Variants in HEPACAM2 observed in about 807,000 individuals in gnomAD.
The protein encoded by HEPACAM2 is mitotic kinetics regulator.
Under a neutral mutation model 49.6 loss-of-function variants are expected in HEPACAM2, and 49 were observed. The observed-to-expected ratio is 0.99, with a 90% CI of 0.78 to 1.25. The LOEUF is 1.25. HEPACAM2 is among the 50% of genes most tolerant of loss of function. The probability of loss-of-function intolerance (pLI) is 0.00; values close to 1 mark genes in which losing one functional copy is unlikely to be tolerated. For missense variants in HEPACAM2, 525 were observed against 557.2 expected (o/e 0.94, Z 0.58); for synonymous variants, 197 against 202.9 (o/e 0.97, Z 0.25).
chr7:93,195,380 C>A (rs1241156670), intron 8 of HEPACAM2, among the ~76,000 whole-genome samples: 1 of 151,962 alleles, frequency 6.6e-6, no homozygotes, highest in African/African-American at 2.4e-5. Flanking sequence ...GCATGCATAA[C>A]CATGCTTGGC....
chr7:93,223,778 T>A (rs1432363856), intron 1 of HEPACAM2, among the ~76,000 whole-genome samples: 1 of 152,204 alleles, frequency 6.6e-6, no homozygotes, highest in African/African-American at 2.4e-5. Context: ...CAGCAGGGAA[T>A]GAAATTTTCT....
chr7:93,228,770 C>A (rs1324631917), upstream of HEPACAM2, among the ~76,000 whole-genome samples: 3 of 152,050 alleles, frequency 2.0e-5, no homozygotes, highest in Non-Finnish European at 4.4e-5. Context: ...GATTAAACTG[C>A]AAGCAATGTA....
intron 4 of HEPACAM2, 77 bp downstream of exon 4, chr7:93,208,502 AG>A: frequency 8.6e-7 from 1 of 1,158,056 alleles, no homozygotes; most frequent in Non-Finnish European, 1.2e-6. Context: ...TTTTCTACCT[AG>A]GTATAAGATA....
chr7:93,205,053 T>C (rs993445108), intron 4 of HEPACAM2, among the ~76,000 whole-genome samples: 1 of 151,862 alleles, frequency 6.6e-6, no homozygotes, highest in Non-Finnish European at 1.5e-5. Context: ...TGAGCCGAGA[T>C]TGTGCCACTG....
intron 2 of HEPACAM2, among the ~76,000 whole-genome samples, chr7:93,218,480 T>C (rs914919045): frequency 7.2e-5 from 11 of 152,076 alleles, no homozygotes; most frequent in Admixed American, 5.2e-4. Flanking sequence ...GCTAGAGCAA[T>C]TGATAGAATG....
At chr7:93,230,262 T>TG (rs1259977567), upstream of HEPACAM2, among the ~76,000 whole-genome samples, 1 of 152,216 alleles carries the variant, frequency 6.6e-6, no homozygotes, top group African/African-American at 2.4e-5. Context: ...GGGTTGAATC[T>TG]GGGTTCTAGT....
At position 93,195,742 on chromosome 7, in the gene HEPACAM2, C is replaced by T. The variant is rs1482498914; in HGVS notation, c.1275+86G>A. On this transcript the variant is annotated intron_variant, in intron 8 of 9. Transcript: ENST00000394468. ...TGGGTAATGCAGCCATTTGACCACACTGCCCAGTGCTTAAACAAATGCTTT... is the reference window on the plus strand; with the variant it reads ...TGGGTAATGCAGCCATTTGACCACATTGCCCAGTGCTTAAACAAATGCTTT... 4.1e-6 allele frequency: 4 copies of T among 978,856 alleles called. No individual in the cohort carries two copies. In the African/African-American group the frequency reaches 4.8e-5, roughly 12 times the overall value. The allele number at this position is 978,856 out of a possible 1,614,324, so 60.6% of individuals were successfully genotyped here.
At chr7:93,199,887 T>G (rs1027243633) in intron 4 of HEPACAM2, among the ~76,000 whole-genome samples, 1 of 152,076 alleles carries the variant, frequency 6.6e-6, no homozygotes, top group African/African-American at 2.4e-5. Context: ...CAAAATGTTT[T>G]CTAATTTTCA....
chr7:93,209,795 G>T (rs893481725), intron 3 of HEPACAM2, among the ~76,000 whole-genome samples: 1 of 151,772 alleles, frequency 6.6e-6, no homozygotes. Context: ...CAGTGCTAGG[G>T]TAGGCCATGT....
Position 93,197,404 on chromosome 7 carries a change from T to A in HEPACAM2, c.1139-7A>T. On this transcript the variant is annotated splice_polypyrimidine_tract_variant and splice_region_variant and intron_variant, in intron 5 of 9. Coordinates refer to ENST00000394468, the MANE Select transcript of HEPACAM2 (RefSeq NM_001039372.4). ...TCTAGTTTCTGTTTTATAACTAAAATCAAGAGAGAAGAAAAATGGTAAGGT... is the reference window on the plus strand; with the variant it reads ...TCTAGTTTCTGTTTTATAACTAAAAACAAGAGAGAAGAAAAATGGTAAGGT... 6.3e-7 allele frequency: 1 copy of A among 1,593,020 alleles called. No individual in the cohort carries two copies. The highest frequency in any genetic ancestry group is 8.5e-7 in the Non-Finnish European group (1 of 1,170,570).
At chr7:93,224,370 G>A (rs1020927610) in intron 1 of HEPACAM2, among the ~76,000 whole-genome samples, 7 of 151,660 alleles carry the variant, frequency 4.6e-5, no homozygotes, top group African/African-American at 1.2e-4. Context: ...ATTTAAATTC[G>A]ATTTTATTAT....
At chr7:93,223,263 G>A (rs1794484094) in intron 1 of HEPACAM2, among the ~76,000 whole-genome samples, 1 of 152,104 alleles carries the variant, frequency 6.6e-6, no homozygotes, top group Non-Finnish European at 1.5e-5. Flanking sequence ...TCTGGAAATG[G>A]TTGGGAGGCA....
chr7:93,217,530 T>C (rs1021119857), intron 2 of HEPACAM2, among the ~76,000 whole-genome samples: 1 of 152,128 alleles, frequency 6.6e-6, no homozygotes, highest in African/African-American at 2.4e-5. Flanking sequence ...ATCTCTCTTT[T>C]CTTTTTCCCC....
intron 3 of HEPACAM2, among the ~76,000 whole-genome samples, chr7:93,213,063 A>G (rs762288897): frequency 1.4e-4 from 21 of 151,864 alleles, no homozygotes; most frequent in Admixed American, 9.9e-4. Flanking sequence ...ACAGTGCCTA[A>G]ATTTACATCA....
chr7:93,209,131 A>C (rs1181191267), intron 3 of HEPACAM2, among the ~76,000 whole-genome samples: 4 of 152,062 alleles, frequency 2.6e-5, no homozygotes, highest in African/African-American at 9.7e-5. Context: ...TAAAAGCCTG[A>C]AACTTCATAT....
At chr7:93,205,664 T>C (rs1413404795) in intron 4 of HEPACAM2, 1 of 152,142 alleles carries the variant, frequency 6.6e-6, no homozygotes, top group Non-Finnish European at 1.5e-5. Flanking sequence ...TACTTGCAAG[T>C]GATGGTCATT....
chr7:93,189,677 A>G (rs1793491987), intron 9 of HEPACAM2, among the ~76,000 whole-genome samples: 1 of 152,006 alleles, frequency 6.6e-6, no homozygotes, highest in Non-Finnish European at 1.5e-5. Flanking sequence ...CAGCAGTCCA[A>G]TTAGGTAATA....
At position 93,219,288 on chromosome 7, in the gene HEPACAM2, CAGTA is replaced by C; in HGVS notation, c.239_242del (p.Leu80TrpfsTer4). ...GAACCACAGACTTATTCACAGAGCC[CAGTA>C]AGTATTTGGGCATTGTGTGGGGTCT... On this transcript the variant is annotated frameshift_variant, in exon 2 of 10. Coordinates refer to ENST00000394468, the MANE Select transcript of HEPACAM2 (RefSeq NM_001039372.4). LOFTEE classifies it high-confidence loss of function. 6.2e-7 allele frequency: 1 copy of C among 1,613,906 alleles called. No homozygotes were observed. The highest frequency in any genetic ancestry group is 8.5e-7 in the Non-Finnish European group (1 of 1,179,954).
chr7:93,225,680 C>T (rs1794525004), intron 1 of HEPACAM2, among the ~76,000 whole-genome samples: 1 of 152,018 alleles, frequency 6.6e-6, no homozygotes, highest in African/African-American at 2.4e-5. Context: ...TGTTGACAGA[C>T]AGCAGTTGGA....
Sources: allele counts gnomAD v4.1 joint callset (sites outside exome capture counted in the v4.1 genomes callset), GRCh38; gene constraint gnomAD v4.1.1; transcripts MANE v1.5; gene names NCBI Gene and HGNC (gene_info 2026-07-23, HGNC 2026-07-21).